STARD8: variants seen among roughly 807,000 people sequenced by gnomAD.
STARD8 encodes stAR-related lipid transfer protein 8.
Under a neutral mutation model 69.4 loss-of-function variants are expected in STARD8, and 25 were observed. The observed-to-expected ratio is 0.36, with a 90% CI of 0.26 to 0.50. STARD8 has a LOEUF of 0.50. Ranked by LOEUF, STARD8 falls within the 20% of genes least tolerant of loss-of-function variation. The probability of loss-of-function intolerance (pLI) is 0.96; values close to 1 mark genes in which losing one functional copy is unlikely to be tolerated. For synonymous variants in STARD8, 389 were observed against 374.6 expected (o/e 1.04, Z -0.45); for missense variants, 921 against 932.5 (o/e 0.99, Z 0.16).
intron 2 of STARD8, among the ~76,000 whole-genome samples, chrX:68,704,879 A>G (rs2079993657): frequency 8.9e-6 from 1 of 111,792 alleles, no homozygotes; most frequent in African/African-American, 3.3e-5. Context: ...AGACAGAGGT[A>G]ATGGCTTGCC....
At chrX:68,664,579 A>T (rs1311124304) in intron 1 of STARD8, among the ~76,000 whole-genome samples, 1 of 112,062 alleles carries the variant, frequency 8.9e-6, no homozygotes. Flanking sequence ...ACTTCTTGCC[A>T]TCTGGGTCTC....
intron 2 of STARD8, among the ~76,000 whole-genome samples, chrX:68,687,773 T>A (rs950146494): frequency 1.8e-5 from 2 of 112,052 alleles, no homozygotes; most frequent in African/African-American, 6.5e-5. Context: ...GATCATTTCC[T>A]TGGGGGCCTG....
intron 2 of STARD8, chrX:68,693,604 C>G: frequency 1.3e-6 from 1 of 750,006 alleles, no homozygotes; most frequent in South Asian, 6.8e-5. Flanking sequence ...CGGGGCGTCC[C>G]TACAGCCCTA....
At position 68,724,793 on chromosome X, in the gene STARD8, C is replaced by T. The variant is rs1173361199; in HGVS notation, c.*371C>T. On this transcript the variant is annotated 3_prime_UTR_variant, in exon 15 of 15. Transcript: ENST00000374599. Reference sequence around the variant, plus strand: ...AGAGGTCGACAGCAATGTGTGATCCCAGCTCTCTGCCAGACTGAGAGGGCA... The same window carrying T: ...AGAGGTCGACAGCAATGTGTGATCCTAGCTCTCTGCCAGACTGAGAGGGCA... The T allele has an allele frequency of 1.4e-5, 2 of 146,804 alleles. No homozygotes were observed. Among genetic ancestry groups the T allele is most frequent in the Non-Finnish European group, 2.6e-5 (2 of 76,655 alleles). The allele number at this position is 146,804 out of a possible 1,213,427, so 12.1% of individuals were successfully genotyped here.
intron 1 of STARD8, among the ~76,000 whole-genome samples, chrX:68,653,026 C>CCA (rs2079568548): frequency 1.0e-4 from 2 of 19,813 alleles, no homozygotes; most frequent in Non-Finnish European, 9.2e-5. Context: ...CACACACACC[C>CCA]CACACACCAC....
intron 2 of STARD8, among the ~76,000 whole-genome samples, chrX:68,672,725 A>C: frequency 2.8e-5 from 3 of 107,432 alleles, no homozygotes; most frequent in African/African-American, 1.1e-4. Flanking sequence ...CCCACCCCCC[A>C]TGGCAGGGCA....
intron 2 of STARD8, among the ~76,000 whole-genome samples, chrX:68,710,975 A>G (rs2080045219): frequency 8.9e-6 from 1 of 112,398 alleles, no homozygotes; most frequent in Non-Finnish European, 1.9e-5. Context: ...TCCTAGCAGC[A>G]GAACCATGTT....
At chrX:68,693,302 G>T (rs933773686) in intron 2 of STARD8, among the ~76,000 whole-genome samples, 1 of 112,515 alleles carries the variant, frequency 8.9e-6, no homozygotes, top group African/African-American at 3.2e-5. Flanking sequence ...TAAATTATCC[G>T]AGCAAGTCAC....
rs553640828 is a variant in STARD8, at chrX:68,697,279, G to A, written c.80-15635G>A. ...TTCTGCCCTGGGAAATCCATTCCAG[G>A]GAGTGATTGCTTTTGACTGAGGGGA... On this transcript the variant is annotated intron_variant, in intron 2 of 14. Coordinates refer to ENST00000374599, the MANE Select transcript of STARD8 (RefSeq NM_001142503.3). Among the ~76,000 whole-genome samples, 41 of 111,917 alleles carry A rather than the reference G, an allele frequency of 3.7e-4. No individual in the cohort carries two copies. In the South Asian group the frequency reaches 0.015, roughly 42 times the overall value.
At chrX:68,662,233 T>C (rs2079655780) in intron 1 of STARD8, among the ~76,000 whole-genome samples, 1 of 109,908 alleles carries the variant, frequency 9.1e-6, no homozygotes, top group African/African-American at 3.3e-5. Context: ...GGTCTCGAAC[T>C]CCCGACCTCA....
intron 2 of STARD8, among the ~76,000 whole-genome samples, chrX:68,675,299 G>T (rs1187096290): frequency 1.8e-5 from 2 of 110,705 alleles, no homozygotes; most frequent in African/African-American, 6.6e-5. Flanking sequence ...TTGCCATGTT[G>T]GCCAGGCTGG....
intron 2 of STARD8, among the ~76,000 whole-genome samples, chrX:68,706,564 T>C (rs1037449845): frequency 8.9e-6 from 1 of 112,153 alleles, no homozygotes; most frequent in Middle Eastern, 4.7e-3. Flanking sequence ...GCATAGCCAG[T>C]CAGCCACCCA....
intron 1 of STARD8, among the ~76,000 whole-genome samples, chrX:68,652,935 C>A (rs1602534091): frequency 4.5e-5 from 2 of 44,623 alleles, no homozygotes; most frequent in Admixed American, 3.1e-4. Flanking sequence ...TCACACACAC[C>A]ACACACACAC....
intron 1 of STARD8, among the ~76,000 whole-genome samples, chrX:68,660,334 A>G (rs1444550563): frequency 8.9e-6 from 1 of 111,877 alleles, no homozygotes; most frequent in Non-Finnish European, 1.9e-5. Flanking sequence ...GAATTGGTCA[A>G]AGGTACAGGG....
At chrX:68,652,878 C>CACACCACACACACACCACA (rs1569350769) in intron 1 of STARD8, among the ~76,000 whole-genome samples, 4 of 22,699 alleles carry the variant, frequency 1.8e-4, no homozygotes, top group Admixed American at 1.1e-3. Flanking sequence ...CACACCCACA[C>CACACCACACACACACCACA]CCCACACACA....
chrX:68,653,045 A>C (rs1158359972), intron 1 of STARD8, among the ~76,000 whole-genome samples: 19 of 3,045 alleles, frequency 6.2e-3, no homozygotes, highest in Admixed American at 0.014. Context: ...ACACACACAC[A>C]TCACACACCA....
intron 2 of STARD8, among the ~76,000 whole-genome samples, chrX:68,695,912 A>T (rs1247903403): frequency 2.7e-5 from 3 of 111,975 alleles, no homozygotes; most frequent in Non-Finnish European, 5.6e-5. Flanking sequence ...GGAGTCTCCA[A>T]TTGGGAAGCT....
At chrX:68,651,155 A>G (rs1223114733) in intron 1 of STARD8, among the ~76,000 whole-genome samples, 1 of 112,701 alleles carries the variant, frequency 8.9e-6, no homozygotes, top group Non-Finnish European at 1.9e-5. Flanking sequence ...GGCACATCAG[A>G]TACATACCCT....
intron 2 of STARD8, among the ~76,000 whole-genome samples, chrX:68,670,240 C>T (rs1308689254): frequency 8.9e-6 from 1 of 111,977 alleles, no homozygotes; most frequent in Non-Finnish European, 1.9e-5. Context: ...TTGAGTTAGT[C>T]ACCTCTGCCC....
Sources: allele counts gnomAD v4.1 joint callset (sites outside exome capture counted in the v4.1 genomes callset), GRCh38; gene constraint gnomAD v4.1.1; transcripts MANE v1.5; gene names NCBI Gene and HGNC (gene_info 2026-07-23, HGNC 2026-07-21).